Variants in MRPS28 observed in about 807,000 individuals in gnomAD.
MRPS28 encodes the protein small ribosomal subunit protein bS1m.
In MRPS28, 7 loss-of-function variants were observed where a neutral mutation model predicts 10.8. That is an observed-to-expected ratio of 0.65 (90% CI 0.37 to 1.22). The LOEUF (loss-of-function observed/expected upper bound fraction) is 1.22. Among genes scored for constraint, MRPS28 ranks in the 50% most tolerant of loss-of-function variants. The pLI, the probability that MRPS28 is intolerant of heterozygous loss-of-function variation, is 0.02. For missense variants in MRPS28, 265 were observed against 232.9 expected (o/e 1.14, Z -0.90); for synonymous variants, 121 against 93.3 (o/e 1.30, Z -1.71).
chr8:79,923,621 C>CTT, intron 2 of MRPS28, among the ~76,000 whole-genome samples: 1 of 152,208 alleles, frequency 6.6e-6, no homozygotes, highest in East Asian at 1.9e-4. Flanking sequence ...AAGAATACTG[C>CTT]TGTCTTGAAA....
chr8:79,968,619 TGCCCTTTAA>T (rs1807556642), intron 2 of MRPS28, among the ~76,000 whole-genome samples: 1 of 152,048 alleles, frequency 6.6e-6, no homozygotes, highest in Non-Finnish European at 1.5e-5. Context: ...CAACACATTA[TGCCCTTTAA>T]GACTGTCAGG....
At chr8:79,971,869 A>AT in intron 2 of MRPS28, among the ~76,000 whole-genome samples, 1 of 152,048 alleles carries the variant, frequency 6.6e-6, no homozygotes, top group Middle Eastern at 3.4e-3. Context: ...CGTCTGGCTA[A>AT]TTTTTGTATT....
chr8:80,024,229 GA>G lies in MRPS28; in HGVS notation c.213+5806del, dbSNP rs796573322. ...CAGCAACAGAGCAAGACCCTGTCTG[GA>G]AAAAAAAAAAAGATTTGGTTGCTAC... On this transcript the variant is annotated intron_variant, in intron 1 of 2. Coordinates refer to ENST00000276585, the MANE Select transcript of MRPS28 (RefSeq NM_014018.3). 5.0e-3 allele frequency among the ~76,000 whole-genome samples: 700 copies of G among 139,014 alleles called. 2 individuals are homozygous for G. The highest frequency in any genetic ancestry group is 0.015 in the African/African-American group (580 of 38,020). The allele number at this position is 139,014 out of a possible 152,430, so 91.2% of individuals were successfully genotyped here. A position where few individuals can be genotyped will look rare whatever the true frequency, so the allele number is the denominator to read the frequency against.
intron 2 of MRPS28, among the ~76,000 whole-genome samples, chr8:79,955,029 C>T (rs1470725194): frequency 6.6e-6 from 1 of 152,092 alleles, no homozygotes; most frequent in Non-Finnish European, 1.5e-5. Flanking sequence ...GAAGCTCCAT[C>T]TAATGCCTAT....
chr8:80,029,686 G>A (rs1809596018), intron 1 of MRPS28: 2 of 1,331,946 alleles, frequency 1.5e-6, no homozygotes, highest in Non-Finnish European at 2.0e-6. Flanking sequence ...CTGCCTCTCC[G>A]TGTGAGTCCC....
rs533512122 is a variant in MRPS28, at chr8:79,985,965, C to A, written c.395+17034G>T. 2.0e-4 allele frequency among the ~76,000 whole-genome samples: 31 copies of A among 152,150 alleles called. No individual in the cohort carries two copies. In the South Asian group the frequency reaches 6.2e-3, roughly 31 times the overall value. On this transcript the variant is annotated intron_variant, in intron 2 of 2. Coordinates refer to ENST00000276585, the MANE Select transcript of MRPS28 (RefSeq NM_014018.3). ...TCCTGATACCAAAGCCTGGCAGAGACACAACCAAAAAAGAGAATTTTAGAC... is the reference window on the plus strand; with the variant it reads ...TCCTGATACCAAAGCCTGGCAGAGAAACAACCAAAAAAGAGAATTTTAGAC...
At chr8:80,023,161 G>T (rs1809411246) in intron 1 of MRPS28, among the ~76,000 whole-genome samples, 1 of 152,086 alleles carries the variant, frequency 6.6e-6, no homozygotes, top group East Asian at 1.9e-4. Context: ...TTACTCAGAG[G>T]TAATTCTCCT....
intron 2 of MRPS28, among the ~76,000 whole-genome samples, chr8:79,927,796 A>T (rs1806332122): frequency 6.6e-6 from 1 of 152,182 alleles, no homozygotes; most frequent in Non-Finnish European, 1.5e-5. Context: ...TGGAAAGCCA[A>T]ATACTTAAGA....
intron 2 of MRPS28, among the ~76,000 whole-genome samples, chr8:79,982,695 G>A (rs561268605): frequency 1.2e-3 from 184 of 152,314 alleles, no homozygotes; most frequent in African/African-American, 4.2e-3. Context: ...ACTGCAAGGC[G>A]GCAGCGAGGC....
intron 2 of MRPS28, among the ~76,000 whole-genome samples, chr8:79,949,600 C>T (rs1807028880): frequency 6.6e-6 from 1 of 152,120 alleles, no homozygotes; most frequent in African/African-American, 2.4e-5. Context: ...CCAGATATCT[C>T]CTATAATCAG....
intron 2 of MRPS28, among the ~76,000 whole-genome samples, chr8:79,986,286 G>C (rs549481110): frequency 1.3e-5 from 2 of 152,250 alleles, no homozygotes; most frequent in Non-Finnish European, 2.9e-5. Context: ...AAAATAATAA[G>C]AGCTATCTAT....
intron 2 of MRPS28, among the ~76,000 whole-genome samples, chr8:79,953,678 A>C (rs1344339635): frequency 6.6e-6 from 1 of 152,226 alleles, no homozygotes; most frequent in Non-Finnish European, 1.5e-5. Flanking sequence ...ACTGAACACA[A>C]AAAGTATTAT....
At position 80,030,081 on chromosome 8, in the gene MRPS28, C is replaced by G; in HGVS notation, c.168G>C (p.Leu56Phe). Reference sequence around the variant, plus strand: ...TCTGTAGAAGCTCCGAGTGCCGCTCCAACGCGCTCGCGAAACCGCCTGCGC... The same window carrying G: ...TCTGTAGAAGCTCCGAGTGCCGCTCGAACGCGCTCGCGAAACCGCCTGCGC... The part of the protein sequence containing the change: ...KTRAGGFASA[L>F]ERHSELLQKV... The change falls in exon 1 of 3, where the codon TTG (leucine) becomes TTC (phenylalanine). Residue 56 changes from leucine to phenylalanine, a missense_variant. By Grantham distance (22) the Leu-to-Phe change is conservative. Transcript: ENST00000276585. The G allele has an allele frequency of 6.2e-7, 1 of 1,610,480 alleles. No individual in the cohort carries two copies. The highest frequency in any genetic ancestry group is 8.5e-7 in the Non-Finnish European group (1 of 1,179,260).
intron 2 of MRPS28, among the ~76,000 whole-genome samples, chr8:79,964,317 T>G (rs187795788): frequency 1.0e-3 from 152 of 152,126 alleles, no homozygotes; most frequent in African/African-American, 3.3e-3. Flanking sequence ...AGTAGTGGGG[T>G]ATAACAATAA....
At chr8:79,932,771 C>T (rs755395127) in intron 2 of MRPS28, among the ~76,000 whole-genome samples, 1 of 152,208 alleles carries the variant, frequency 6.6e-6, no homozygotes, top group Non-Finnish European at 1.5e-5. Flanking sequence ...GCTGTGCTGG[C>T]ACGCCACATT....
In MRPS28 at chr8:79,984,327, A is replaced by G. The variant is rs1364459587; in HGVS notation, c.395+18672T>C. Among the ~76,000 whole-genome samples the G allele has an allele frequency of 2.6e-5, 4 of 152,392 alleles. No individual in the cohort carries two copies. The South Asian group carries it at 8.3e-4, about 32-fold the overall frequency. On this transcript the variant is annotated intron_variant, in intron 2 of 2. Transcript: ENST00000276585. ...ACTAGCTACTGCATAATCATGCCAA[A>G]TTGTAAAGACCATCGAGGCTAGGAA...
At chr8:80,024,156 G>A (rs1809439548) in intron 1 of MRPS28, among the ~76,000 whole-genome samples, 2 of 152,064 alleles carry the variant, frequency 1.3e-5, no homozygotes, top group Non-Finnish European at 2.9e-5. Context: ...CCTGAGCCAA[G>A]GGAGAGAGGT....
chr8:80,029,785 G>A, intron 1 of MRPS28: 9 of 1,512,400 alleles, frequency 6.0e-6, no homozygotes, highest in Non-Finnish European at 7.9e-6. Flanking sequence ...TCAATCCCAG[G>A]AAAACAAGCG....
chr8:80,012,907 G>A (rs1273903933), intron 1 of MRPS28, among the ~76,000 whole-genome samples: 1 of 152,162 alleles, frequency 6.6e-6, no homozygotes, highest in African/African-American at 2.4e-5. Context: ...GGGGCAACTA[G>A]TGCTAAAAGA....
Sources: gnomAD v4.1 joint callset for allele counts (sites outside exome capture counted in the v4.1 genomes callset) on GRCh38, gnomAD v4.1.1 for gene constraint, MANE v1.5 for transcripts, NCBI Gene and HGNC (gene_info 2026-07-23, HGNC 2026-07-21) for gene names.